Variants in PDXDC1 observed in about 807,000 individuals in gnomAD.
PDXDC1 encodes pyridoxal dependent decarboxylase domain containing 1.
Under a neutral mutation model 100.1 loss-of-function variants are expected in PDXDC1, and 42 were observed. That is an observed-to-expected ratio of 0.42 (90% CI 0.33 to 0.54). The LOEUF (loss-of-function observed/expected upper bound fraction) is 0.54, where lower values mean the gene tolerates loss of function less well. Among genes scored for constraint, PDXDC1 ranks in the 20% least tolerant of loss-of-function variants. The pLI is 0.10. For synonymous variants in PDXDC1, 260 were observed against 371.7 expected (o/e 0.70, Z 3.46); for missense variants, 636 against 979.2 (o/e 0.65, Z 4.68).
chr16:15,030,433 C>T (rs1019899883), intron 16 of PDXDC1, among the ~76,000 whole-genome samples: 13 of 89,096 alleles, frequency 1.5e-4, no homozygotes, highest in Non-Finnish European at 3.2e-4. Context: ...GCAGTCCCAG[C>T]TACTTGGGAG....
At chr16:14,990,994 G>A (rs548741123) in intron 1 of PDXDC1, among the ~76,000 whole-genome samples, 3 of 152,392 alleles carry the variant, frequency 2.0e-5, no homozygotes, top group South Asian at 4.1e-4. Context: ...CGTCAACCTC[G>A]GCCTCCCAAC....
At chr16:15,050,628 A>T (rs1382200931) in intron 16 of PDXDC1, among the ~76,000 whole-genome samples, 1 of 151,986 alleles carries the variant, frequency 6.6e-6, no homozygotes, top group Non-Finnish European at 1.5e-5. Context: ...GCTACTCTGG[A>T]GGCTCAGGTA....
chr16:15,141,302 G>A (rs1306487104), downstream of PDXDC1, among the ~76,000 whole-genome samples: 1 of 152,246 alleles, frequency 6.6e-6, no homozygotes, highest in East Asian at 1.9e-4. Flanking sequence ...AACAAAGAAG[G>A]GGACCAGAGG....
chr16:14,990,896 A>T (rs1970624590), intron 1 of PDXDC1, among the ~76,000 whole-genome samples: 1 of 152,276 alleles, frequency 6.6e-6, no homozygotes, highest in African/African-American at 2.4e-5. Flanking sequence ...ATACGTGACC[A>T]TGCCCAGCTA....
chr16:15,141,380 C>T (rs956909133), downstream of PDXDC1, among the ~76,000 whole-genome samples: 3 of 152,250 alleles, frequency 2.0e-5, no homozygotes, highest in Non-Finnish European at 4.4e-5. Flanking sequence ...CAGCCACGGA[C>T]GGTGGAGCCG....
chr16:15,139,964 C>A (rs1264929819), downstream of PDXDC1, among the ~76,000 whole-genome samples: 28 of 151,598 alleles, frequency 1.8e-4, 2 homozygotes, highest in South Asian at 3.8e-3. Flanking sequence ...GGCGTGGTGG[C>A]GGGAGCCTGT....
At chr16:15,092,594 A>G in intron 16 of PDXDC1, 1 of 1,611,268 alleles carries the variant, frequency 6.2e-7, no homozygotes. Context: ...GTCATTCTCT[A>G]ATGCACGCAT....
chr16:15,133,963 C>T (rs1410819516), intron 16 of PDXDC1: 21 of 1,347,622 alleles, frequency 1.6e-5, no homozygotes, highest in African/African-American at 1.0e-4. Context: ...TATCCCTCGC[C>T]GTCCCGCAGC....
Position 15,095,285 on chromosome 16 carries a change from C to G in PDXDC1, c.1400-43594C>G, listed in dbSNP as rs1234804740. Among the ~76,000 whole-genome samples, 7 of 152,160 alleles carry G rather than the reference C, an allele frequency of 4.6e-5. No homozygotes were observed. The East Asian group carries it at 1.4e-3, about 29-fold the overall frequency. ...GGAGAGCAGGGGCTGCCCCTACTCT[C>G]AGGGAGGGGAAAAGGTTGCAACTTT... On this transcript the variant is annotated intron_variant, in intron 16 of 16. Transcript: ENST00000535621.
At chr16:15,075,250 CAA>C (rs56913254) in intron 16 of PDXDC1, among the ~76,000 whole-genome samples, 19 of 68,008 alleles carry the variant, frequency 2.8e-4, no homozygotes, top group Non-Finnish European at 1.8e-4. Flanking sequence ...TGTGCCCCAC[CAA>C]AAAAAAAAAA....
chr16:15,065,414 T>A, intron 16 of PDXDC1: 1 of 1,585,934 alleles, frequency 6.3e-7, no homozygotes, highest in African/African-American at 1.3e-5. Flanking sequence ...ATTAACATGC[T>A]GGAGTGACTC....
rs1973216032 is a variant in PDXDC1, at chr16:15,001,790, T to C, written c.176T>C (p.Val59Ala). ...TTATTCTGCAGTGGGCAAGATATGG[T>C]GAGCATCCTCCAGTTAGTTCAGAAT... The part of the protein sequence containing the change: ...GPLQGSGQDM[V>A]SILQLVQNLM... Residue 59 changes from valine (V) to alanine (A), a missense_variant, in exon 4 of 23, where the codon GTG (valine) becomes GCG (alanine). Coordinates refer to ENST00000396410, the MANE Select transcript of PDXDC1 (RefSeq NM_015027.4). 2 of 1,611,268 alleles carry C rather than the reference T, an allele frequency of 1.2e-6. No homozygotes were observed.
chr16:14,983,708 T>C (rs1287493970), intron 1 of PDXDC1, among the ~76,000 whole-genome samples: 2 of 152,286 alleles, frequency 1.3e-5, no homozygotes, highest in Non-Finnish European at 2.9e-5. Context: ...ACCTATACTA[T>C]TATTTGCTTA....
chr16:15,068,812 A>G (rs1419828098), intron 16 of PDXDC1, among the ~76,000 whole-genome samples: 1 of 152,226 alleles, frequency 6.6e-6, no homozygotes, highest in Admixed American at 6.5e-5. Flanking sequence ...CTTAGACTTA[A>G]TGAATATAAT....
At chr16:15,091,229 G>T in intron 16 of PDXDC1, 2 of 1,538,954 alleles carry the variant, frequency 1.3e-6, no homozygotes, top group Non-Finnish European at 1.8e-6. Context: ...AGCAAGTTCT[G>T]GAGGACAGAA....
intron 16 of PDXDC1, chr16:15,045,677 G>A (rs1304860762): frequency 6.6e-6 from 1 of 152,276 alleles, no homozygotes; most frequent in Non-Finnish European, 1.5e-5. Context: ...GAGTCACACT[G>A]CGCATTGCAC....
intron 13 of PDXDC1, 137 bp from the exon 14 acceptor site, chr16:15,026,506 G>A (rs1288046311): frequency 6.5e-6 from 5 of 763,452 alleles, no homozygotes; most frequent in Admixed American, 3.0e-5. Context: ...TCTAGCAACT[G>A]AAATTAACCT....
Position 15,033,287 on chromosome 16 carries a change from A to T in PDXDC1, c.1700A>T (p.Tyr567Phe). ...SDLTFKIGPE[Y>F]KSMKSCLYVG... is the part of the protein sequence containing the mutation. Reference sequence around the variant, plus strand: ...CTCGTTACCTTTGCAGGCCCTGAGTATAAGAGCATGAAGAGCTGCCTTTAT... The same window carrying T: ...CTCGTTACCTTTGCAGGCCCTGAGTTTAAGAGCATGAAGAGCTGCCTTTAT... The change falls in exon 19 of 23, where the codon TAT becomes TTT. Residue 567 changes from tyrosine (Y) to phenylalanine (F), a missense_variant. Transcript: ENST00000396410. The T allele has an allele frequency of 6.2e-7, 1 of 1,614,208 alleles. No individual in the cohort carries two copies. Among genetic ancestry groups the T allele is most frequent in the African/African-American group, 1.3e-5 (1 of 75,062 alleles).
Position 15,038,034 on chromosome 16 carries a change from A to ACTT in PDXDC1, c.*1761_*1763dup, listed in dbSNP as rs770859998. On this transcript the variant is annotated 3_prime_UTR_variant, in exon 23 of 23. Transcript: ENST00000396410. ...TTTCTTTGGTAATTCATGTTTTTTA[A>ACTT]CTTCCTGGAGAAGAGATCTTTTCCC... 9 of 1,609,556 alleles carry ACTT rather than the reference A, an allele frequency of 5.6e-6. No individual in the cohort carries two copies. Among genetic ancestry groups the ACTT allele is most frequent in the Admixed American group, 1.7e-5 (1 of 58,706 alleles).
Sources: gnomAD v4.1 joint callset for allele counts (sites outside exome capture counted in the v4.1 genomes callset) on GRCh38, gnomAD v4.1.1 for gene constraint, MANE v1.5 for transcripts, NCBI Gene and HGNC (gene_info 2026-07-23, HGNC 2026-07-21) for gene names.